The following PC variants were observed in gnomAD, a reference collection of about 807,000 sequenced individuals.
The protein encoded by PC is pyruvate carboxylase.
A neutral mutation model predicts 107.8 loss-of-function variants in PC; 46 were observed. The observed-to-expected ratio is 0.43, with a 90% CI of 0.34 to 0.55. PC has a LOEUF of 0.55. Ranked by LOEUF, PC falls within the 20% of genes least tolerant of loss-of-function variation. The pLI is 0.04. For synonymous variants in PC, 662 were observed against 684.7 expected (o/e 0.97, Z 0.52); for missense variants, 1,241 against 1,643.1 (o/e 0.76, Z 4.23).
rs543756586 is a variant in PC, at chr11:66,850,868, C to T, written c.2279G>A (p.Arg760Gln). ...CAGTGGGAGGTCGGGGAAGCGGTCCCGGAGGGAGCTGACCAGCATGGTGCA... is the reference window on the plus strand; with the variant it reads ...CAGTGGGAGGTCGGGGAAGCGGTCCTGGAGGGAGCTGACCAGCATGGTGCA... The part of the protein sequence containing the change: ...TACTMLVSSL[R>Q]DRFPDLPLHI... The change falls in exon 18 of 23, where the codon CGG becomes CAG. Residue 760 changes from arginine (R) to glutamine (Q), a missense_variant. Arg to Gln is a conservative substitution (Grantham distance 43, BLOSUM62 1). Around this residue, in one of 2 missense-constraint regions of PC, gnomAD observed 1,143 missense variants for 1,551.9 expected, o/e 0.74. Coordinates refer to ENST00000393960, the MANE Select transcript of PC (RefSeq NM_001040716.2). 4.9e-5 allele frequency: 79 copies of T among 1,611,460 alleles called. No homozygotes were observed. In the South Asian group the frequency reaches 7.2e-4, roughly 15 times the overall value.
intron 3 of PC, among the ~76,000 whole-genome samples, chr11:66,873,428 ATATATTATATAT>A (rs1348660725): frequency 1.2e-4 from 10 of 82,598 alleles, no homozygotes; most frequent in African/African-American, 5.3e-4. Flanking sequence ...AATATATTAT[ATATATTATATAT>A]TATATTATAT....
At chr11:66,890,445 A>G (rs1947530506) in intron 3 of PC, among the ~76,000 whole-genome samples, 3 of 141,854 alleles carry the variant, frequency 2.1e-5, no homozygotes, top group Admixed American at 1.5e-4. Context: ...CCTGGGCTGG[A>G]GTGACAGAGC....
rs556287524 is a variant in PC, at chr11:66,949,318, A to G, written c.-1+3112T>C. ...GCCAGAAGAATTATTAAAATAGTTA[A>G]CTGAAGTTGAATATGATTTATAAGT... is the stretch of plus-strand genomic sequence containing the variant. On this transcript the variant is annotated intron_variant, in intron 3 of 22. Transcript: ENST00000393960. Among the ~76,000 whole-genome samples the G allele has an allele frequency of 7.3e-4, 111 of 152,200 alleles. 1 individual carries two copies. The highest frequency in any genetic ancestry group is 3.4e-3 in the Middle Eastern group (1 of 294).
At position 66,858,771 on chromosome 11, in the gene PC, G is replaced by A. The variant is rs376308544; in HGVS notation, c.1368+5003C>T. The A allele has an allele frequency of 1.5e-5, 23 of 1,549,732 alleles. No individual in the cohort carries two copies. Among genetic ancestry groups the A allele is most frequent in the African/African-American group, 1.4e-4 (10 of 73,142 alleles). On this transcript the variant is annotated intron_variant, in intron 12 of 22. Transcript: ENST00000393960. The surrounding 1 kb of genome is among the most constrained non-coding windows in gnomAD (Gnocchi z 5.9). ...GACCTTAGAGATTGGGGTGACCGGCGCTGGGGACGCTGGGGGCTACACCTG... is the reference window on the plus strand; with the variant it reads ...GACCTTAGAGATTGGGGTGACCGGCACTGGGGACGCTGGGGGCTACACCTG...
chr11:66,911,225 A>T (rs1948325714), intron 3 of PC, among the ~76,000 whole-genome samples: 1 of 152,228 alleles, frequency 6.6e-6, no homozygotes, highest in East Asian at 1.9e-4. Flanking sequence ...GAGGCTAAGA[A>T]CAGAATGTCA....
At chr11:66,912,268 G>A (rs897004654) in intron 3 of PC, among the ~76,000 whole-genome samples, 3 of 152,190 alleles carry the variant, frequency 2.0e-5, no homozygotes, top group Non-Finnish European at 2.9e-5. Flanking sequence ...TCAACACACT[G>A]GAAAAGTCAA....
chr11:66,930,178 A>T (rs1216360817), intron 3 of PC, among the ~76,000 whole-genome samples: 1 of 141,708 alleles, frequency 7.1e-6, no homozygotes, highest in African/African-American at 3.1e-5. Flanking sequence ...GGCAGGTAGA[A>T]AAACAAAAGC....
At chr11:66,859,131 C>A (rs201864445) in intron 12 of PC, 3 of 1,473,842 alleles carry the variant, frequency 2.0e-6, no homozygotes, top group South Asian at 1.5e-5. Context: ...GCACTCCCGG[C>A]GCCCTTCCTC....
chr11:66,864,802 G>A (rs1444012995), intron 11 of PC, among the ~76,000 whole-genome samples: 3 of 152,194 alleles, frequency 2.0e-5, no homozygotes, highest in South Asian at 2.1e-4. Flanking sequence ...CGTGCCGCCC[G>A]AGTGAGCCCC....
intron 3 of PC, among the ~76,000 whole-genome samples, chr11:66,932,597 G>A (rs974928391): frequency 6.6e-6 from 1 of 152,186 alleles, no homozygotes; most frequent in Non-Finnish European, 1.5e-5. Flanking sequence ...AGGAATGGCT[G>A]CATTTGCCCT....
intron 3 of PC, among the ~76,000 whole-genome samples, chr11:66,903,765 A>T (rs1289207394): frequency 2.0e-4 from 24 of 122,428 alleles, no homozygotes; most frequent in South Asian, 8.4e-4. Context: ...AAAAAAAAAA[A>T]AAAAAAAAAT....
rs1402347766 is a variant in PC, at chr11:66,858,354, C to T, written c.1369-4971G>A. ...CTCCCGCCTGGACCTCACCTCCAACCGCCTGGCCACGCTGGCTCCGGACCC... is the reference window on the plus strand; with the variant it reads ...CTCCCGCCTGGACCTCACCTCCAACTGCCTGGCCACGCTGGCTCCGGACCC... On this transcript the variant is annotated intron_variant, in intron 12 of 22. Transcript: ENST00000393960. This position sits in a 1 kb window ranked among gnomAD's most constrained non-coding sequence, Gnocchi z 5.9. The T allele has an allele frequency of 8.8e-6, 14 of 1,597,418 alleles. No individual in the cohort carries two copies. Among genetic ancestry groups the T allele is most frequent in the South Asian group, 2.2e-5 (2 of 89,990 alleles).
At chr11:66,854,558 A>G (rs1945691102) in intron 12 of PC, among the ~76,000 whole-genome samples, 1 of 152,210 alleles carries the variant, frequency 6.6e-6, no homozygotes, top group Non-Finnish European at 1.5e-5. Flanking sequence ...AAACGGGGAC[A>G]TGCGAGCCAG....
At chr11:66,881,136 TAGTG>T (rs968932183) in intron 3 of PC, among the ~76,000 whole-genome samples, 6 of 152,104 alleles carry the variant, frequency 3.9e-5, no homozygotes, top group Non-Finnish European at 7.4e-5. Flanking sequence ...GGGGAAACAG[TAGTG>T]AGTGAGTGAG....
At chr11:66,849,907 C>T (rs759483527) in intron 20 of PC, 30 bp downstream of exon 20, 1 of 1,613,616 alleles carries the variant, frequency 6.2e-7, no homozygotes, top group East Asian at 2.2e-5. Flanking sequence ...ATCCAGCCCC[C>T]ACCCTCACAC....
chr11:66,895,591 C>A (rs2136025519), intron 3 of PC, among the ~76,000 whole-genome samples: 1 of 151,124 alleles, frequency 6.6e-6, no homozygotes, highest in African/African-American at 2.4e-5. Context: ...ATTTGGGGAG[C>A]AAAAAAGCTC....
At chr11:66,917,897 G>T (rs1298924965) in intron 3 of PC, among the ~76,000 whole-genome samples, 1 of 152,156 alleles carries the variant, frequency 6.6e-6, no homozygotes, top group African/African-American at 2.4e-5. Flanking sequence ...GGGCAGCCTA[G>T]AGCCTGGGAT....
intron 3 of PC, among the ~76,000 whole-genome samples, chr11:66,873,507 TATATATTATA>T (rs1946852854): frequency 2.5e-4 from 1 of 3,946 alleles, no homozygotes; most frequent in Admixed American, 7.4e-3. Flanking sequence ...TATATAATAT[TATATATTATA>T]TTATATATTA....
Position 66,872,134 on chromosome 11 carries a change from C to T in PC, c.26G>A (p.Gly9Glu). Residue 9 changes from glycine to glutamate, a missense_variant, in exon 4 of 23, where the codon GGG (glycine) becomes GAG (glutamate). Around this residue, in one of 2 missense-constraint regions of PC, gnomAD observed 1,143 missense variants for 1,551.9 expected, o/e 0.74. Transcript: ENST00000393960. MLKFRTVH[G>E]GLRLLGIRRT... Reference sequence around the variant, plus strand: ...GCGGATTCCCAGGAGCCTCAGGCCCCCATGGACTGTTCGGAACTTCAGCAT... The same window carrying T: ...GCGGATTCCCAGGAGCCTCAGGCCCTCATGGACTGTTCGGAACTTCAGCAT... The T allele has an allele frequency of 6.3e-7, 1 of 1,582,100 alleles. No homozygotes were observed. Among genetic ancestry groups the T allele is most frequent in the Non-Finnish European group, 8.6e-7 (1 of 1,164,928 alleles).
Sources: gnomAD v4.1 joint callset for allele counts (sites outside exome capture counted in the v4.1 genomes callset) on GRCh38, gnomAD v4.1.1 for gene constraint, gnomAD v4.1.1 regional missense constraint, Gnocchi (gnomAD v3.1) non-coding constraint, MANE v1.5 for transcripts, NCBI Gene and HGNC (gene_info 2026-07-23, HGNC 2026-07-21) for gene names.